CSMD1: variants seen among roughly 807,000 people sequenced by gnomAD.
CSMD1 encodes the protein CUB and Sushi multiple domains 1.
Under a neutral mutation model 417.5 loss-of-function variants are expected in CSMD1, and 213 were observed. That is an observed-to-expected ratio of 0.51 (90% CI 0.46 to 0.57). The LOEUF (loss-of-function observed/expected upper bound fraction) is 0.57. Among genes scored for constraint, CSMD1 ranks in the 20% least tolerant of loss-of-function variants. The pLI is 0.00. For missense variants in CSMD1, 6,923 were observed against 4,529.7 expected (o/e 1.53, Z -15.17); for synonymous variants, 2,862 against 1,736.8 (o/e 1.65, Z -16.11).
intron 3 of CSMD1, among the ~76,000 whole-genome samples, chr8:4,295,130 A>C (rs1037298992): frequency 8.2e-5 from 12 of 146,608 alleles, no homozygotes; most frequent in Non-Finnish European, 1.3e-4. Flanking sequence ...ATATAATCTT[A>C]AGATTATATA....
At chr8:2,957,532 T>C (rs888213399) in intron 63 of CSMD1, among the ~76,000 whole-genome samples, 164 bp downstream of exon 63, 1 of 152,158 alleles carries the variant, frequency 6.6e-6, no homozygotes, top group African/African-American at 2.4e-5. Context: ...GTCCAGCCAA[T>C]GGTTATGCTG....
intron 49 of CSMD1, among the ~76,000 whole-genome samples, chr8:3,058,239 T>C (rs1370159777): frequency 5.9e-5 from 9 of 152,208 alleles, no homozygotes; most frequent in Non-Finnish European, 1.2e-4. Flanking sequence ...GCACTTTCTA[T>C]AGTTGTCTGT....
chr8:4,846,420 C>G (rs1403194461), intron 1 of CSMD1, among the ~76,000 whole-genome samples: 2 of 152,166 alleles, frequency 1.3e-5, no homozygotes, highest in Non-Finnish European at 2.9e-5. Flanking sequence ...GCCAGTGCCC[C>G]AGCCAGGCTT....
chr8:3,933,250 C>G (rs1030398829), intron 5 of CSMD1, among the ~76,000 whole-genome samples: 1 of 152,050 alleles, frequency 6.6e-6, no homozygotes, highest in Non-Finnish European at 1.5e-5. Flanking sequence ...ATTTAGAGTA[C>G]GTGTTAAATT....
chr8:3,091,487 C>T (rs776903403), intron 48 of CSMD1, 29 bp downstream of exon 48: 38 of 1,529,236 alleles, frequency 2.5e-5, no homozygotes, highest in South Asian at 1.8e-4. Context: ...AAAATACTTT[C>T]ATATAAAATC....
At position 3,835,035 on chromosome 8, in the gene CSMD1, T is replaced by G. The variant is rs191974543; in HGVS notation, c.819-80993A>C. On this transcript the variant is annotated intron_variant, in intron 5 of 69. Coordinates refer to ENST00000635120, the MANE Select transcript of CSMD1 (RefSeq NM_033225.6). ...ACAATGAGACACCATCTCCCACCAGTTAGAATGGCGATCATTAAAAAGTCA... is the reference window on the plus strand; with the variant it reads ...ACAATGAGACACCATCTCCCACCAGGTAGAATGGCGATCATTAAAAAGTCA... Among the ~76,000 whole-genome samples the G allele has an allele frequency of 3.3e-5, 5 of 152,078 alleles. No homozygotes were observed. In the East Asian group the frequency reaches 7.7e-4, roughly 24 times the overall value.
chr8:3,584,875 G>A (rs998489213), intron 9 of CSMD1, among the ~76,000 whole-genome samples: 1 of 152,106 alleles, frequency 6.6e-6, no homozygotes, highest in African/African-American at 2.4e-5. Context: ...GCCCTAGTGG[G>A]AACATGAATT....
intron 3 of CSMD1, among the ~76,000 whole-genome samples, chr8:4,060,091 C>G (rs1210681267): frequency 1.3e-5 from 2 of 152,096 alleles, no homozygotes; most frequent in Admixed American, 6.5e-5. Flanking sequence ...AAAGCCTATC[C>G]ACCATGATCA....
At chr8:3,294,712 T>G (rs957038740) in intron 25 of CSMD1, among the ~76,000 whole-genome samples, 10 of 152,128 alleles carry the variant, frequency 6.6e-5, no homozygotes, top group Non-Finnish European at 2.9e-5. Context: ...ATTTTCCAGG[T>G]GCCATCTGTC....
In CSMD1 at chr8:3,879,665, A is replaced by G. The variant is rs1451971584; in HGVS notation, c.818+118238T>C. On this transcript the variant is annotated intron_variant, in intron 5 of 69. Coordinates refer to ENST00000635120, the MANE Select transcript of CSMD1 (RefSeq NM_033225.6). ...AACATCTTTTTCTGTGTAGACACCA[A>G]TATTTCTTGACGTCACATAGTTCTC... Among the ~76,000 whole-genome samples, 3 of 152,194 alleles carry G rather than the reference A, an allele frequency of 2.0e-5. No homozygotes were observed. The East Asian group carries it at 5.8e-4, about 29-fold the overall frequency.
At chr8:4,957,969 G>T (rs1211649956) in intron 1 of CSMD1, among the ~76,000 whole-genome samples, 3 of 152,156 alleles carry the variant, frequency 2.0e-5, no homozygotes, top group Non-Finnish European at 2.9e-5. Flanking sequence ...TCCTTAGTAA[G>T]ATGTTATTTT....
chr8:4,089,596 T>C (rs1347226671), intron 3 of CSMD1, among the ~76,000 whole-genome samples: 1 of 152,098 alleles, frequency 6.6e-6, no homozygotes, highest in African/African-American at 2.4e-5. Flanking sequence ...CTCTCAAAGG[T>C]TAAATGGGGA....
intron 12 of CSMD1, among the ~76,000 whole-genome samples, chr8:3,468,383 A>C (rs1270411970): frequency 6.6e-6 from 1 of 152,182 alleles, no homozygotes; most frequent in African/African-American, 2.4e-5. Context: ...GCTCACATAA[A>C]AGAAGGTTTT....
intron 7 of CSMD1, among the ~76,000 whole-genome samples, chr8:3,651,662 C>T (rs187132660): frequency 8.3e-4 from 126 of 152,200 alleles, no homozygotes; most frequent in Non-Finnish European, 1.5e-3. Flanking sequence ...GCAGCAATAG[C>T]GTGCTTACTA....
At chr8:4,285,099 A>C (rs747154642) in intron 3 of CSMD1, among the ~76,000 whole-genome samples, 1 of 152,210 alleles carries the variant, frequency 6.6e-6, no homozygotes, top group African/African-American at 2.4e-5. Context: ...TTTTGCTATT[A>C]TTATGAATGC....
chr8:3,309,144 T>C (rs538828835), intron 23 of CSMD1, among the ~76,000 whole-genome samples: 8 of 152,296 alleles, frequency 5.3e-5, no homozygotes, highest in African/African-American at 1.4e-4. Flanking sequence ...CGGGATACTC[T>C]GCTGCCTCTT....
chr8:4,145,635 C>T (rs1211640537), intron 3 of CSMD1, among the ~76,000 whole-genome samples: 2 of 150,820 alleles, frequency 1.3e-5, no homozygotes, highest in Non-Finnish European at 2.9e-5. Flanking sequence ...GCGATCCTGC[C>T]CACTTGGCCT....
intron 33 of CSMD1, among the ~76,000 whole-genome samples, chr8:3,194,627 A>AT (rs34246085): frequency 0.28 from 40,361 of 141,840 alleles, 6,014 homozygotes; most frequent in East Asian, 0.38. Context: ...TTGGCTAATA[A>AT]TTTTTTTTTT....
rs983855614 is a variant in CSMD1 at position 4,903,778 on chromosome 8, C to G, written c.85+90554G>C. ...AGGTGAGAGGAGAAGGACCTGGAGT[C>G]TTCTTAGCAGCAGGACCTACTGTTA... On this transcript the variant is annotated intron_variant, in intron 1 of 69. Coordinates refer to ENST00000635120, the MANE Select transcript of CSMD1 (RefSeq NM_033225.6). 2.6e-5 allele frequency among the ~76,000 whole-genome samples: 4 copies of G among 152,290 alleles called. 1 individual carries two copies. In the East Asian group the frequency reaches 7.7e-4, roughly 29 times the overall value.
Sources: gnomAD v4.1 joint callset for allele counts (sites outside exome capture counted in the v4.1 genomes callset) on GRCh38, gnomAD v4.1.1 for gene constraint, MANE v1.5 for transcripts, NCBI Gene and HGNC (gene_info 2026-07-23, HGNC 2026-07-21) for gene names.